Variants in EYS observed in about 807,000 individuals in gnomAD.
The protein encoded by EYS is protein eyes shut homolog.
EYS carries 250 observed loss-of-function variants against 282.1 expected under a neutral mutation model. The observed-to-expected ratio is 0.89, with a 90% CI of 0.80 to 0.98. EYS has a LOEUF of 0.98. EYS is among the 50% of genes least tolerant of loss of function. The pLI is 0.00. For missense variants in EYS, 4,016 were observed against 3,709.0 expected (o/e 1.08, Z -2.15); for synonymous variants, 1,355 against 1,282.9 (o/e 1.06, Z -1.20).
At chr6:64,077,842 T>C (rs1649529833) in intron 32 of EYS, among the ~76,000 whole-genome samples, 1 of 152,018 alleles carries the variant, frequency 6.6e-6, no homozygotes, top group Admixed American at 6.6e-5. Context: ...TCGTGACCTA[T>C]TAGTAGCTCC....
chr6:64,868,672 G>A (rs569265633), intron 19 of EYS, among the ~76,000 whole-genome samples: 8 of 151,580 alleles, frequency 5.3e-5, no homozygotes, highest in Non-Finnish European at 7.4e-5. Flanking sequence ...CCATATGGAA[G>A]GAGGATATTC....
chr6:65,002,004 A>T lies in EYS; in HGVS notation c.2138-4301T>A, dbSNP rs1011152742. ...GTAACATTATAAATTGCATTTTCAT[A>T]TCTTAGAAAAAATCATATATTAAAA... On this transcript the variant is annotated intron_variant, in intron 13 of 42. Transcript: ENST00000503581. Among the ~76,000 whole-genome samples, 49 of 146,840 alleles carry T rather than the reference A, an allele frequency of 3.3e-4. 1 individual carries two copies. The highest frequency in any genetic ancestry group is 1.1e-3 in the African/African-American group (47 of 41,084).
chr6:65,011,788 C>T (rs748865392), intron 13 of EYS, among the ~76,000 whole-genome samples: 4 of 152,138 alleles, frequency 2.6e-5, no homozygotes, highest in Non-Finnish European at 5.9e-5. Context: ...CACTAAAATG[C>T]TAATTAGGCA....
intron 13 of EYS, among the ~76,000 whole-genome samples, chr6:65,013,110 C>T (rs992309745): frequency 6.6e-6 from 1 of 152,086 alleles, no homozygotes; most frequent in African/African-American, 2.4e-5. Context: ...GAAAAGTTCC[C>T]ATGCATACCC....
chr6:65,597,600 T>C (rs942877988), intron 2 of EYS, among the ~76,000 whole-genome samples: 2 of 152,138 alleles, frequency 1.3e-5, no homozygotes, highest in Non-Finnish European at 1.5e-5. Context: ...TCTCTTCATC[T>C]TTCTACCAGC....
At chr6:64,522,240 T>G (rs933372089) in intron 26 of EYS, among the ~76,000 whole-genome samples, 1 of 151,752 alleles carries the variant, frequency 6.6e-6, no homozygotes, top group African/African-American at 2.4e-5. Flanking sequence ...TTTTGAAACA[T>G]AGTTTCATTT....
intron 31 of EYS, among the ~76,000 whole-genome samples, chr6:64,156,094 G>A (rs147928422): frequency 0.028 from 4,250 of 150,466 alleles, 63 homozygotes; most frequent in Non-Finnish European, 0.045. Context: ...ATATGATATG[G>A]TTTGACTCTG....
rs908157993 is a variant in EYS, at chr6:65,622,460, T to A, written c.-333+17318A>T. ...CATTATTATTGTAATATTATCATTA[T>A]TAAAATAATAGTAGTAGCTACATTC... On this transcript the variant is annotated intron_variant, in intron 2 of 42. Transcript: ENST00000503581. Among the ~76,000 whole-genome samples, 5 of 152,140 alleles carry A rather than the reference T, an allele frequency of 3.3e-5. No individual in the cohort carries two copies. In the East Asian group the frequency reaches 9.6e-4, roughly 29 times the overall value.
At chr6:64,788,058 A>G (rs147598031) in intron 22 of EYS, among the ~76,000 whole-genome samples, 21 of 151,902 alleles carry the variant, frequency 1.4e-4, no homozygotes, top group African/African-American at 4.1e-4. Flanking sequence ...TCCCTCTTCA[A>G]TGTTTCTGGG....
chr6:64,240,349 G>A (rs1049756994), intron 30 of EYS, among the ~76,000 whole-genome samples: 2 of 152,052 alleles, frequency 1.3e-5, no homozygotes, highest in Non-Finnish European at 2.9e-5. Context: ...TTGGGCAATA[G>A]GCCATTTTCA....
chr6:64,876,518 G>C (rs141604497), intron 19 of EYS, among the ~76,000 whole-genome samples: 1 of 151,996 alleles, frequency 6.6e-6, no homozygotes, highest in Non-Finnish European at 1.5e-5. Context: ...CACTCTTGTA[G>C]GTACTGCAAT....
intron 35 of EYS, among the ~76,000 whole-genome samples, chr6:63,937,650 G>T (rs181768290): frequency 9.1e-4 from 138 of 151,718 alleles, no homozygotes; most frequent in African/African-American, 3.1e-3. Context: ...CAAAGGGCTG[G>T]GATTATAGGC....
intron 35 of EYS, among the ~76,000 whole-genome samples, chr6:63,955,367 A>G (rs1013025470): frequency 1.3e-5 from 2 of 152,176 alleles, no homozygotes; most frequent in African/African-American, 2.4e-5. Context: ...ACTGCCACCC[A>G]TAAGTCTCTC....
chr6:65,337,426 A>G (rs1225191476), intron 10 of EYS, among the ~76,000 whole-genome samples: 1 of 151,324 alleles, frequency 6.6e-6, no homozygotes, highest in African/African-American at 2.4e-5. Flanking sequence ...CAATTAAAGG[A>G]GCACTTTTAT....
intron 14 of EYS, among the ~76,000 whole-genome samples, chr6:64,986,016 G>A (rs1021339943): frequency 5.3e-5 from 8 of 151,486 alleles, no homozygotes; most frequent in Non-Finnish European, 1.0e-4. Context: ...CTGAGACCAA[G>A]TTTTGATTTA....
chr6:65,127,227 G>A (rs77129954), intron 12 of EYS, among the ~76,000 whole-genome samples: 7 of 151,934 alleles, frequency 4.6e-5, no homozygotes, highest in African/African-American at 1.2e-4. Flanking sequence ...CTAAATAAAC[G>A]AACAGATTTT....
intron 12 of EYS, among the ~76,000 whole-genome samples, chr6:65,080,599 A>G (rs571471524): frequency 9.2e-5 from 14 of 152,148 alleles, no homozygotes; most frequent in South Asian, 4.1e-4. Context: ...CTCAAACACT[A>G]TATTGCCTCT....
intron 1 of EYS, among the ~76,000 whole-genome samples, chr6:65,651,051 T>C (rs1767633514): frequency 6.6e-6 from 1 of 152,102 alleles, no homozygotes; most frequent in Non-Finnish European, 1.5e-5. Context: ...TCAACAAATT[T>C]AAATATAAAA....
rs1048251073 is a variant in EYS at position 65,550,143 on chromosome 6, C to CTTTTT, written c.-332-54155_-332-54151dup. ...AAGTTAGTATCTGACTCTACTATAT[C>CTTTTT]TTTTTTTTTTTTTTTTTTTTTTTTT... On this transcript the variant is annotated intron_variant, in intron 2 of 42. Coordinates refer to ENST00000503581, the MANE Select transcript of EYS (RefSeq NM_001142800.2). 4.1e-3 allele frequency among the ~76,000 whole-genome samples: 24 copies of CTTTTT among 5,912 alleles called. 3 individuals are homozygous for CTTTTT. Among genetic ancestry groups the CTTTTT allele is most frequent in the Non-Finnish European group, 5.2e-3 (21 of 4,034 alleles). 3.9% of individuals were successfully genotyped at this position (5,912 alleles called of 152,430 possible).
Sources: gnomAD v4.1 joint callset for allele counts (sites outside exome capture counted in the v4.1 genomes callset) on GRCh38, gnomAD v4.1.1 for gene constraint, MANE v1.5 for transcripts, NCBI Gene and HGNC (gene_info 2026-07-23, HGNC 2026-07-21) for gene names.